TBC1D8: variants seen among roughly 807,000 people sequenced by gnomAD.
TBC1D8 encodes BUB2-like protein 1.
A neutral mutation model predicts 118.8 loss-of-function variants in TBC1D8; 65 were observed. The observed-to-expected ratio is 0.55, with a 90% confidence interval of 0.45 to 0.67. The LOEUF (loss-of-function observed/expected upper bound fraction) is 0.67, where lower values mean the gene tolerates loss of function less well. Ranked by LOEUF, TBC1D8 falls within the 30% of genes least tolerant of loss-of-function variation. The pLI, the probability that TBC1D8 is intolerant of heterozygous loss-of-function variation, is 0.00. For missense variants in TBC1D8, 1,376 were observed against 1,471.2 expected, an observed-to-expected ratio of 0.94 and a Z score of 1.06; for synonymous variants, 566 against 595.8, an observed-to-expected ratio of 0.95 and a Z score of 0.73.
intron 3 of TBC1D8, among the ~76,000 whole-genome samples, chr2:101,057,964 T>C (rs1447833700): frequency 6.6e-6 from 1 of 152,248 alleles, no homozygotes; most frequent in Non-Finnish European, 1.5e-5. Context: ...AAAATCACTG[T>C]AGCGAAAGTT....
intron 17 of TBC1D8, among the ~76,000 whole-genome samples, chr2:101,016,745 T>C (rs1346593430): frequency 6.6e-6 from 1 of 152,136 alleles, no homozygotes; most frequent in Non-Finnish European, 1.5e-5. Context: ...TATGCAGCCA[T>C]AAAAAATGAT....
intron 19 of TBC1D8, among the ~76,000 whole-genome samples, chr2:101,009,081 T>G (rs1014771966): frequency 5.3e-5 from 8 of 151,980 alleles, no homozygotes; most frequent in African/African-American, 1.9e-4. Flanking sequence ...AGCTACACAA[T>G]TACTCCAAGA....
At chr2:101,059,790 T>G (rs1682655906) in intron 2 of TBC1D8, among the ~76,000 whole-genome samples, 1 of 152,032 alleles carries the variant, frequency 6.6e-6, no homozygotes, top group African/African-American at 2.4e-5. Flanking sequence ...ATGCAAAAAA[T>G]TAGCCGGGCG....
chr2:101,143,312 C>A (rs1001084893), intron 1 of TBC1D8, among the ~76,000 whole-genome samples: 1 of 152,062 alleles, frequency 6.6e-6, no homozygotes, highest in Non-Finnish European at 1.5e-5. Flanking sequence ...CTGCCCACCT[C>A]GGCCTCCGAA....
intron 11 of TBC1D8, among the ~76,000 whole-genome samples, chr2:101,031,402 G>A (rs897806804): frequency 2.0e-5 from 3 of 152,084 alleles, no homozygotes; most frequent in Non-Finnish European, 4.4e-5. Context: ...TCAGTCCTTA[G>A]GACACAGTCT....
intron 1 of TBC1D8, among the ~76,000 whole-genome samples, chr2:101,093,688 C>T (rs1469354562): frequency 6.6e-6 from 1 of 151,858 alleles, no homozygotes; most frequent in African/African-American, 2.4e-5. Context: ...GCACTTCAGC[C>T]TGGGCAACAG....
rs1239339865 is a variant in TBC1D8, at chr2:101,117,596, C to CA, written c.128-27233dup. 7.2e-3 allele frequency among the ~76,000 whole-genome samples: 899 copies of CA among 125,418 alleles called. 13 individuals are homozygous for CA. The highest frequency in any genetic ancestry group is 0.026 in the African/African-American group (842 of 32,058). 82.3% of individuals were successfully genotyped at this position (125,418 alleles called of 152,430 possible). On this transcript the variant is annotated intron_variant, in intron 1 of 19. Coordinates refer to ENST00000409318, the MANE Select transcript of TBC1D8 (RefSeq NM_001330348.2). ...TTTTTTTTTTTTTTTTTTTTTGAGA[C>CA]AGAGTCTCGCTCTGTCGCCCAGGCT...
intron 2 of TBC1D8, among the ~76,000 whole-genome samples, chr2:101,081,317 T>C (rs562383731): frequency 6.6e-6 from 1 of 152,294 alleles, no homozygotes; most frequent in South Asian, 2.1e-4. Flanking sequence ...GGTGGTCTCC[T>C]GACCCTCCCC....
chr2:101,088,854 G>C (rs1173781900), intron 2 of TBC1D8, among the ~76,000 whole-genome samples: 4 of 152,070 alleles, frequency 2.6e-5, no homozygotes, highest in African/African-American at 4.8e-5. Context: ...TTACAGGCAT[G>C]AGCCACCATT....
chr2:101,142,297 A>T (rs1679138603), intron 1 of TBC1D8, among the ~76,000 whole-genome samples: 1 of 152,220 alleles, frequency 6.6e-6, no homozygotes, highest in Non-Finnish European at 1.5e-5. Flanking sequence ...CTCCGTCAGA[A>T]GAGATCCTTG....
chr2:101,021,580 A>G (rs919650075), intron 17 of TBC1D8, 101 bp downstream of exon 17: 7 of 829,594 alleles, frequency 8.4e-6, no homozygotes, highest in Non-Finnish European at 7.6e-6. Context: ...TGCCTCAAGC[A>G]TAAGTGAACT....
rs961617693 is a variant in TBC1D8 at position 101,073,689 on chromosome 2, C to G, written c.284-14150G>C. On this transcript the variant is annotated intron_variant, in intron 2 of 19. Coordinates refer to ENST00000409318, the MANE Select transcript of TBC1D8 (RefSeq NM_001330348.2). ...GATATTATAACTCACTGCAGCTTCT[C>G]CATCAGTACTTGCTGCTTCACCTTG... is the stretch of plus-strand genomic sequence containing the variant. 2.0e-5 allele frequency among the ~76,000 whole-genome samples: 3 copies of G among 152,214 alleles called. No individual in the cohort carries two copies. In the East Asian group the frequency reaches 5.8e-4, roughly 29 times the overall value.
chr2:101,028,282 T>A, intron 13 of TBC1D8, 21 bp downstream of exon 13: 1 of 1,593,150 alleles, frequency 6.3e-7, no homozygotes, highest in Non-Finnish European at 8.5e-7. Context: ...CAACGGGGCA[T>A]GGGGCGGGGG....
intron 2 of TBC1D8, among the ~76,000 whole-genome samples, chr2:101,078,753 CAAAAAAAAAAAA>C: frequency 7.4e-5 from 8 of 108,110 alleles, no homozygotes; most frequent in African/African-American, 1.8e-4. Flanking sequence ...CCTTTCTTAG[CAAAAAAAAAAAA>C]AAAAAAAAAG....
At chr2:101,130,737 T>G (rs1454057456) in intron 1 of TBC1D8, among the ~76,000 whole-genome samples, 1 of 152,182 alleles carries the variant, frequency 6.6e-6, no homozygotes, top group Non-Finnish European at 1.5e-5. Flanking sequence ...TCAAGCTCCA[T>G]GAGGATAGGA....
chr2:101,084,557 A>G (rs925856985), intron 2 of TBC1D8, among the ~76,000 whole-genome samples: 6 of 152,014 alleles, frequency 3.9e-5, no homozygotes, highest in Admixed American at 1.3e-4. Flanking sequence ...TCTCAAAAAA[A>G]AGAAACACAC....
intron 17 of TBC1D8, chr2:101,018,899 T>A (rs1679848750): frequency 2.0e-6 from 3 of 1,473,148 alleles, no homozygotes; most frequent in Non-Finnish European, 2.8e-6. Flanking sequence ...GGTTTATCAA[T>A]CTGCAGTGAA....
chr2:101,098,318 G>T (rs1033104156), intron 1 of TBC1D8, among the ~76,000 whole-genome samples: 5 of 151,958 alleles, frequency 3.3e-5, no homozygotes, highest in Admixed American at 2.6e-4. Flanking sequence ...GGTAGATGTT[G>T]CAGTGAGCTG....
intron 15 of TBC1D8, chr2:101,023,501 AG>A: frequency 3.1e-6 from 1 of 327,034 alleles, no homozygotes; most frequent in Non-Finnish European, 6.2e-6. Context: ...AGGATACAGA[AG>A]GAACTAATAA....
Sources: allele counts gnomAD v4.1 joint callset (sites outside exome capture counted in the v4.1 genomes callset), GRCh38; gene constraint gnomAD v4.1.1; transcripts MANE v1.5; gene names NCBI Gene and HGNC (gene_info 2026-07-23, HGNC 2026-07-21).